The following CLVS1 variants were observed in gnomAD, a reference collection of about 807,000 sequenced individuals.
CLVS1 encodes clavesin 1, also known as clavesin-1.
CLVS1 carries 10 observed loss-of-function variants against 33.1 expected under a neutral mutation model. The ratio of observed to expected loss-of-function variants is 0.30; its 90% CI spans 0.19 to 0.51. The LOEUF is 0.51. Ranked by LOEUF, CLVS1 falls within the 20% of genes least tolerant of loss-of-function variation. The probability of loss-of-function intolerance (pLI) is 0.97; values close to 1 mark genes in which losing one functional copy is unlikely to be tolerated. For missense variants in CLVS1, 343 were observed against 433.4 expected (o/e 0.79, Z 1.85); for synonymous variants, 163 against 166.1 (o/e 0.98, Z 0.14).
chr8:61,087,827 G>A (rs974287306), intron 1 of CLVS1, among the ~76,000 whole-genome samples: 3 of 152,138 alleles, frequency 2.0e-5, no homozygotes, highest in African/African-American at 7.2e-5. Flanking sequence ...CTTAAAATAT[G>A]TAATATACAT....
intron 2 of CLVS1, among the ~76,000 whole-genome samples, chr8:61,343,437 C>T (rs1420406612): frequency 6.6e-6 from 1 of 152,110 alleles, no homozygotes; most frequent in African/African-American, 2.4e-5. Context: ...GACGTTGTTG[C>T]AATGGTCTGT....
intron 2 of CLVS1, among the ~76,000 whole-genome samples, chr8:61,241,733 A>G (rs1808702696): frequency 6.6e-6 from 1 of 152,216 alleles, no homozygotes; most frequent in Non-Finnish European, 1.5e-5. Context: ...AACATTTATG[A>G]TTATGCAAAT....
chr8:61,002,327 GTTTTTTTTT>G, the CLVS1 span, among the ~76,000 whole-genome samples: 1 of 98,818 alleles, frequency 1.0e-5, no homozygotes, highest in Admixed American at 1.2e-4. Context: ...ATGCTTGCTT[GTTTTTTTTT>G]TTTTTTTTTT....
At chr8:61,276,268 A>G (rs372380511) in intron 2 of CLVS1, among the ~76,000 whole-genome samples, 2 of 152,186 alleles carry the variant, frequency 1.3e-5, no homozygotes, top group African/African-American at 4.8e-5. Flanking sequence ...TTTACACTCT[A>G]TTTTCAATTT....
intron 2 of CLVS1, among the ~76,000 whole-genome samples, chr8:61,256,710 A>G (rs1809091876): frequency 6.6e-6 from 1 of 152,234 alleles, no homozygotes; most frequent in Non-Finnish European, 1.5e-5. Flanking sequence ...GCAAATTACT[A>G]GCACAGGTAA....
At chr8:61,280,332 G>A (rs1368189185) in intron 2 of CLVS1, among the ~76,000 whole-genome samples, 2 of 152,158 alleles carry the variant, frequency 1.3e-5, no homozygotes, top group Admixed American at 1.3e-4. Context: ...GGAAATGGTG[G>A]GAGATGCCAT....
chr8:61,088,707 C>G (rs1805172934), intron 1 of CLVS1, among the ~76,000 whole-genome samples: 1 of 152,052 alleles, frequency 6.6e-6, no homozygotes, highest in Non-Finnish European at 1.5e-5. Flanking sequence ...TTAGTTGAAT[C>G]AAATTCTGCC....
At chr8:61,171,764 C>A (rs746487980) in intron 2 of CLVS1, among the ~76,000 whole-genome samples, 4 of 152,058 alleles carry the variant, frequency 2.6e-5, no homozygotes, top group Non-Finnish European at 2.9e-5. Flanking sequence ...CTAAGTATAT[C>A]CACATTAAAA....
Position 61,091,454 on chromosome 8 carries a change from A to G in CLVS1, c.-243+34224A>G, listed in dbSNP as rs560765465. Among the ~76,000 whole-genome samples, 8 of 152,348 alleles carry G rather than the reference A, an allele frequency of 5.3e-5. 1 individual carries two copies. The highest frequency in any genetic ancestry group is 5.2e-4 in the Admixed American group (8 of 15,298). On this transcript the variant is annotated intron_variant, in intron 1 of 2. Transcript: ENST00000522621. The stretch of plus-strand genomic sequence containing the variant: ...ACGAATACACATTCTCTGTTGGGCC[A>G]GGGTCCTGACATGCTCTTTTATATT...
At chr8:61,450,145 A>T (rs912870774) in intron 3 of CLVS1, among the ~76,000 whole-genome samples, 1 of 152,166 alleles carries the variant, frequency 6.6e-6, no homozygotes, top group African/African-American at 2.4e-5. Context: ...AAAACATAAA[A>T]CATTAGAAGA....
At chr8:61,025,173 T>A in the CLVS1 span, among the ~76,000 whole-genome samples, 158 of 152,308 alleles carry the variant, frequency 1.0e-3, 5 homozygotes, top group East Asian at 0.03. Flanking sequence ...AAAGGAGTTC[T>A]CCTTCCCTTT....
intron 3 of CLVS1, among the ~76,000 whole-genome samples, chr8:61,391,625 T>A (rs779358164): frequency 6.6e-6 from 1 of 152,188 alleles, no homozygotes; most frequent in Non-Finnish European, 1.5e-5. Context: ...CCAAGAAGAT[T>A]AAGCTAATGC....
intron 2 of CLVS1, among the ~76,000 whole-genome samples, chr8:61,189,366 G>C (rs897138218): frequency 4.6e-5 from 7 of 152,176 alleles, no homozygotes; most frequent in African/African-American, 1.7e-4. Flanking sequence ...AAGAGCTCCT[G>C]AAGGAAGCAC....
chr8:61,128,352 T>C (rs1806018219), intron 1 of CLVS1, among the ~76,000 whole-genome samples: 1 of 152,260 alleles, frequency 6.6e-6, no homozygotes, highest in Non-Finnish European at 1.5e-5. Context: ...CTTTCAAATA[T>C]ATTACCTCAG....
rs373877688 is a variant in CLVS1 at position 61,145,876 on chromosome 8, G to A, written c.-152+14016G>A. ...ATCTCATCATAATTCTGTCACGTAAGTGTTACAAATTCCCAGTTCTGGGTG... is the reference window on the plus strand; with the variant it reads ...ATCTCATCATAATTCTGTCACGTAAATGTTACAAATTCCCAGTTCTGGGTG... On this transcript the variant is annotated intron_variant, in intron 2 of 2. Coordinates refer to the CLVS1 transcript ENST00000522621. 1.6e-4 allele frequency among the ~76,000 whole-genome samples: 25 copies of A among 152,306 alleles called. No homozygotes were observed. In the East Asian group the frequency reaches 3.9e-3, roughly 23 times the overall value.
intron 3 of CLVS1, among the ~76,000 whole-genome samples, chr8:61,411,709 A>G (rs1815232335): frequency 6.6e-6 from 1 of 152,170 alleles, no homozygotes; most frequent in African/African-American, 2.4e-5. Context: ...CCTTTACTGG[A>G]TGAGCCCTGG....
At chr8:60,973,155 T>C in the CLVS1 span, among the ~76,000 whole-genome samples, 8 of 152,156 alleles carry the variant, frequency 5.3e-5, no homozygotes, top group Non-Finnish European at 1.2e-4. Flanking sequence ...CAAATGAGCA[T>C]GTGGGTTGAA....
At chr8:61,128,045 T>C (rs1228517422) in intron 1 of CLVS1, among the ~76,000 whole-genome samples, 2 of 152,250 alleles carry the variant, frequency 1.3e-5, no homozygotes, top group African/African-American at 4.8e-5. Context: ...GAAAACTCAT[T>C]AACCAGCTGC....
chr8:60,997,178 C>T, the CLVS1 span, among the ~76,000 whole-genome samples: 5 of 151,726 alleles, frequency 3.3e-5, no homozygotes, highest in Non-Finnish European at 4.4e-5. Context: ...GTGTGTGTGG[C>T]GGGGGATGGT....
Sources: allele counts gnomAD v4.1 joint callset (sites outside exome capture counted in the v4.1 genomes callset), GRCh38; gene constraint gnomAD v4.1.1; transcripts MANE v1.5; gene names NCBI Gene and HGNC (gene_info 2026-07-23, HGNC 2026-07-21).